LIPC: variants seen among roughly 807,000 people sequenced by gnomAD.
The protein encoded by LIPC is hepatic triacylglycerol lipase.
Under a neutral mutation model 50.7 loss-of-function variants are expected in LIPC, and 44 were observed. The observed-to-expected ratio is 0.87, with a 90% CI of 0.68 to 1.11. The LOEUF (loss-of-function observed/expected upper bound fraction) is 1.11. Among genes scored for constraint, LIPC ranks in the 50% most tolerant of loss-of-function variants. The probability of loss-of-function intolerance (pLI) is 0.00; values close to 1 mark genes in which losing one functional copy is unlikely to be tolerated. For synonymous variants in LIPC, 271 were observed against 256.4 expected, an observed-to-expected ratio of 1.06 and a Z score of -0.54; for missense variants, 697 against 648.2, an observed-to-expected ratio of 1.08 and a Z score of -0.82.
intron 1 of LIPC, among the ~76,000 whole-genome samples, chr15:58,529,142 T>C (rs968295115): frequency 6.6e-6 from 1 of 152,200 alleles, no homozygotes; most frequent in Non-Finnish European, 1.5e-5. Flanking sequence ...AGGAGCTAGA[T>C]AGTCATGATA....
intron 1 of LIPC, among the ~76,000 whole-genome samples, chr15:58,441,075 T>C (rs766178925): frequency 4.6e-5 from 7 of 152,202 alleles, no homozygotes; most frequent in Non-Finnish European, 7.3e-5. Context: ...GCTAAAACCC[T>C]GGCCACTCCC....
At chr15:58,542,004 C>T in intron 3 of LIPC, 37 bp downstream of exon 3, 2 of 1,578,972 alleles carry the variant, frequency 1.3e-6, no homozygotes, top group Non-Finnish European at 8.6e-7. Flanking sequence ...ACCTCCCTTC[C>T]CTCCTTTCCC....
At chr15:58,496,422 T>C (rs1033863366) in intron 1 of LIPC, among the ~76,000 whole-genome samples, 3 of 152,246 alleles carry the variant, frequency 2.0e-5, no homozygotes, top group African/African-American at 7.2e-5. Context: ...TATTCATCCT[T>C]GGCTCCAGTG....
chr15:58,489,570 T>G (rs1891510652), intron 1 of LIPC, among the ~76,000 whole-genome samples: 1 of 152,204 alleles, frequency 6.6e-6, no homozygotes, highest in African/African-American at 2.4e-5. Context: ...GGCTGAGTCA[T>G]GAGCCTCAAG....
chr15:58,550,232 TG>T (rs1893698468), intron 6 of LIPC, among the ~76,000 whole-genome samples: 1 of 151,904 alleles, frequency 6.6e-6, no homozygotes, highest in South Asian at 2.1e-4. Context: ...AAGAGAAGGG[TG>T]GGGGAATTGC....
At chr15:58,465,194 C>A (rs903956752) in intron 1 of LIPC, among the ~76,000 whole-genome samples, 2 of 152,164 alleles carry the variant, frequency 1.3e-5, no homozygotes, top group Non-Finnish European at 2.9e-5. Context: ...CTACATCTGT[C>A]CATGTCACCC....
At chr15:58,470,761 A>C (rs185744026) in intron 1 of LIPC, among the ~76,000 whole-genome samples, 134 of 152,152 alleles carry the variant, frequency 8.8e-4, no homozygotes, top group African/African-American at 3.1e-3. Flanking sequence ...CACCACACAC[A>C]GCTAATTTTT....
At chr15:58,508,592 T>G (rs1277632251) in intron 1 of LIPC, among the ~76,000 whole-genome samples, 2 of 152,198 alleles carry the variant, frequency 1.3e-5, no homozygotes, top group African/African-American at 4.8e-5. Flanking sequence ...ACAAATTAGT[T>G]AATATGGGAA....
intron 1 of LIPC, among the ~76,000 whole-genome samples, chr15:58,499,210 C>T (rs1435106470): frequency 6.6e-6 from 1 of 152,220 alleles, no homozygotes; most frequent in Non-Finnish European, 1.5e-5. Context: ...TCCTTCACCA[C>T]CCCTAAGAAT....
intron 2 of LIPC, among the ~76,000 whole-genome samples, chr15:58,541,195 T>C (rs1893307725): frequency 6.6e-6 from 1 of 152,076 alleles, no homozygotes; most frequent in African/African-American, 2.4e-5. Flanking sequence ...GCCCTGCAAA[T>C]TGGTTCTCAA....
At chr15:58,567,345 GTATATATATATATGTATATGTA>G (rs1566955240) in intron 8 of LIPC, among the ~76,000 whole-genome samples, 14 of 18,812 alleles carry the variant, frequency 7.4e-4, no homozygotes, top group African/African-American at 1.9e-3. Context: ...ATATGTATAT[GTATATATATATATGTATATGTA>G]TATATATATA....
chr15:58,554,233 G>GA (rs1176944902), intron 6 of LIPC, among the ~76,000 whole-genome samples: 1 of 152,154 alleles, frequency 6.6e-6, no homozygotes, highest in Non-Finnish European at 1.5e-5. Flanking sequence ...CTAGTGAGGA[G>GA]ACTCTCCGGA....
intron 1 of LIPC, among the ~76,000 whole-genome samples, chr15:58,514,775 G>A (rs2140863911): frequency 6.6e-6 from 1 of 152,366 alleles, no homozygotes; most frequent in South Asian, 2.1e-4. Flanking sequence ...GGTGAGCCAA[G>A]ATGGTGCCAC....
At chr15:58,501,106 T>C (rs568817518) in intron 1 of LIPC, among the ~76,000 whole-genome samples, 4 of 152,194 alleles carry the variant, frequency 2.6e-5, no homozygotes, top group African/African-American at 7.2e-5. Flanking sequence ...TTGATCAGCC[T>C]CTGGGTCCTG....
intron 1 of LIPC, among the ~76,000 whole-genome samples, chr15:58,441,988 C>G (rs1230189476): frequency 6.6e-6 from 1 of 152,180 alleles, no homozygotes; most frequent in Admixed American, 6.5e-5. Context: ...TATGGTCTGG[C>G]TGACGGCAGA....
At chr15:58,545,625 A>T (rs1893496149) in intron 4 of LIPC, 117 bp from the exon 5 acceptor site, 3 of 840,078 alleles carry the variant, frequency 3.6e-6, no homozygotes, top group African/African-American at 1.7e-5. Context: ...GATCAGCCCT[A>T]CGTGTTTCTT....
At chr15:58,443,482 T>C (rs538562120) in intron 1 of LIPC, among the ~76,000 whole-genome samples, 24 of 152,344 alleles carry the variant, frequency 1.6e-4, no homozygotes, top group African/African-American at 5.5e-4. Flanking sequence ...AGCCCTGTGA[T>C]GTCAAGCTTA....
chr15:58,478,679 G>C (rs55903145), intron 1 of LIPC, among the ~76,000 whole-genome samples: 41,070 of 152,066 alleles, frequency 0.27, 5,783 homozygotes, highest in South Asian at 0.36. Flanking sequence ...AAGTATCAGA[G>C]CCAAGAGTTG....
intron 1 of LIPC, among the ~76,000 whole-genome samples, chr15:58,502,441 G>C (rs186032823): frequency 5.3e-5 from 8 of 151,720 alleles, no homozygotes; most frequent in Non-Finnish European, 7.4e-5. Context: ...AGGTGGTGTC[G>C]CATCCCTACT....
Sources: gnomAD v4.1 joint callset for allele counts (sites outside exome capture counted in the v4.1 genomes callset) on GRCh38, gnomAD v4.1.1 for gene constraint, MANE v1.5 for transcripts, NCBI Gene and HGNC (gene_info 2026-07-23, HGNC 2026-07-21) for gene names.